ZC3H11A: variants seen among roughly 807,000 people sequenced by gnomAD.
ZC3H11A encodes the protein zinc finger CCCH-type containing 11A.
A neutral mutation model predicts 90.8 loss-of-function variants in ZC3H11A; 22 were observed. That is an observed-to-expected ratio of 0.24 (90% confidence interval 0.17 to 0.35). The LOEUF (loss-of-function observed/expected upper bound fraction) is 0.35, where lower values mean the gene tolerates loss of function less well. Ranked by LOEUF, ZC3H11A falls within the 10% of genes least tolerant of loss-of-function variation. The pLI, the probability that ZC3H11A is intolerant of heterozygous loss-of-function variation, is 1.00. For synonymous variants in ZC3H11A, 294 were observed against 339.8 expected, an observed-to-expected ratio of 0.87 and a Z score of 1.48; for missense variants, 701 against 964.9, an observed-to-expected ratio of 0.73 and a Z score of 3.62.
chr1:203,800,025 G>C, intron 1 of ZC3H11A: 1 of 1,536,106 alleles, frequency 6.5e-7, no homozygotes, highest in Non-Finnish European at 8.7e-7. Flanking sequence ...ATCTCTAAAA[G>C]AAGGCACCTC....
At chr1:203,816,053 C>A (rs11799648) in intron 2 of ZC3H11A, among the ~76,000 whole-genome samples, 81 of 152,208 alleles carry the variant, frequency 5.3e-4, no homozygotes, top group Middle Eastern at 3.4e-3. Flanking sequence ...TAAGCTAGAT[C>A]GATAGACCTT....
At position 203,853,235 on chromosome 1, in the gene ZC3H11A, G is replaced by A. The variant is rs1689627745; in HGVS notation, c.*836G>A. The A allele has an allele frequency of 6.6e-6, 1 of 152,468 alleles. No individual in the cohort carries two copies. The highest frequency in any genetic ancestry group is 2.1e-4 in the South Asian group (1 of 4,824). The allele number at this position is 152,468 out of a possible 1,614,324, so 9.4% of individuals were successfully genotyped here. On this transcript the variant is annotated 3_prime_UTR_variant, in exon 18 of 18. Transcript: ENST00000367210. ...TTGAATTAACACAGGGACAAAATTT[G>A]GTTAATTTTTTATTTCTAACTCTCC...
At chr1:203,833,289 C>T (rs368330837) in intron 9 of ZC3H11A, among the ~76,000 whole-genome samples, 68 of 148,504 alleles carry the variant, frequency 4.6e-4, no homozygotes, top group African/African-American at 1.5e-3. Context: ...CGCTTGAACC[C>T]GGGAGGTGGA....
intron 2 of ZC3H11A, among the ~76,000 whole-genome samples, chr1:203,809,089 C>G (rs1049674412): frequency 6.6e-6 from 1 of 151,816 alleles, no homozygotes; most frequent in Non-Finnish European, 1.5e-5. Context: ...CTCGGCCTCC[C>G]AAAGTGCTAG....
chr1:203,848,117 C>G (rs550919966), intron 13 of ZC3H11A, among the ~76,000 whole-genome samples: 1 of 152,146 alleles, frequency 6.6e-6, no homozygotes, highest in Non-Finnish European at 1.5e-5. Flanking sequence ...TTCAGTCTCC[C>G]AAAGTGCTGG....
rs774804527 is a variant in ZC3H11A at position 203,799,924 on chromosome 1, A to G, written c.-1587-1651A>G. 102 of 1,536,016 alleles carry G rather than the reference A, an allele frequency of 6.6e-5. No individual in the cohort carries two copies. Among genetic ancestry groups the G allele is most frequent in the Non-Finnish European group, 7.9e-5 (91 of 1,146,892 alleles). On this transcript the variant is annotated intron_variant, in intron 1 of 17. Coordinates refer to ENST00000367210, the MANE Select transcript of ZC3H11A (RefSeq NM_001376342.1). ...CAGTTCCTTGCAGAAGAGGTCTGTA[A>G]TTATATGGAATCTTCACCAGAGATC...
intron 2 of ZC3H11A, among the ~76,000 whole-genome samples, chr1:203,804,958 C>CT (rs1467185748): frequency 6.6e-6 from 1 of 151,924 alleles, no homozygotes; most frequent in Non-Finnish European, 1.5e-5. Flanking sequence ...CAGGCGTGAG[C>CT]TATTGTGCCC....
intron 15 of ZC3H11A, 199 bp from the exon 16 acceptor site, chr1:203,850,316 G>C (rs1341694986): frequency 1.4e-6 from 1 of 736,188 alleles, no homozygotes. Flanking sequence ...AATTTAAGTG[G>C]TATTGTATCT....
chr1:203,832,417 A>G (rs747169506), intron 9 of ZC3H11A, among the ~76,000 whole-genome samples: 3 of 151,454 alleles, frequency 2.0e-5, no homozygotes, highest in Admixed American at 1.3e-4. Flanking sequence ...CTAAAGTGCA[A>G]TGGTGCGATC....
intron 4 of ZC3H11A, among the ~76,000 whole-genome samples, chr1:203,824,756 G>C (rs556610663): frequency 6.6e-6 from 1 of 152,214 alleles, no homozygotes; most frequent in East Asian, 1.9e-4. Context: ...TTGCTGAGTA[G>C]AAGAAAGCTG....
At chr1:203,815,337 C>T (rs1434501888) in intron 2 of ZC3H11A, among the ~76,000 whole-genome samples, 1 of 147,330 alleles carries the variant, frequency 6.8e-6, no homozygotes, top group African/African-American at 2.5e-5. Flanking sequence ...GCCTCAGCTC[C>T]CCCGTGTAGC....
intron 2 of ZC3H11A, among the ~76,000 whole-genome samples, chr1:203,808,071 T>C (rs1443093088): frequency 6.6e-6 from 1 of 152,154 alleles, no homozygotes; most frequent in Non-Finnish European, 1.5e-5. Flanking sequence ...TTTTATTGAG[T>C]ACTTTTTTGT....
intron 1 of ZC3H11A, chr1:203,798,370 C>A (rs1669359521): frequency 2.0e-6 from 3 of 1,533,728 alleles, no homozygotes; most frequent in Non-Finnish European, 2.6e-6. Context: ...ATCTCAAGAG[C>A]TGTGTGTAAT....
At chr1:203,800,232 C>T in intron 1 of ZC3H11A, 1 of 1,351,878 alleles carries the variant, frequency 7.4e-7, no homozygotes, top group Non-Finnish European at 1.0e-6. Context: ...GGTTGCCATC[C>T]AGTATCTAAG....
At chr1:203,798,903 T>C (rs1437800816) in intron 1 of ZC3H11A, 2 of 1,536,158 alleles carry the variant, frequency 1.3e-6, no homozygotes, top group Non-Finnish European at 1.7e-6. Context: ...ACCTCAGTTA[T>C]ATGATTGTGT....
At chr1:203,798,934 C>T (rs747329173) in intron 1 of ZC3H11A, 1 of 1,536,078 alleles carries the variant, frequency 6.5e-7, no homozygotes, top group South Asian at 1.2e-5. Context: ...ATTTTCTTAA[C>T]TTTAGAGAAT....
At chr1:203,799,857 G>A in intron 1 of ZC3H11A, 1 of 1,533,542 alleles carries the variant, frequency 6.5e-7, no homozygotes, top group South Asian at 1.2e-5. Context: ...AAACAGTTTG[G>A]AAGACTTTTT....
In ZC3H11A at chr1:203,828,282, G is replaced by T. The variant is rs1446283954; in HGVS notation, c.175-17G>T. The T allele has an allele frequency of 6.2e-7, 1 of 1,613,684 alleles. No homozygotes were observed. The highest frequency in any genetic ancestry group is 1.3e-5 in the African/African-American group (1 of 74,906). On this transcript the variant is annotated splice_polypyrimidine_tract_variant and intron_variant, in intron 4 of 17. Coordinates refer to ENST00000367210, the MANE Select transcript of ZC3H11A (RefSeq NM_001376342.1). ...TCACTGTTTTATTTGAAAGCAATGT[G>T]TTTTTCCCTCTTACAGAAAAAACGC...
chr1:203,821,820 C>T (rs1363473487), intron 4 of ZC3H11A, among the ~76,000 whole-genome samples: 8 of 151,322 alleles, frequency 5.3e-5, no homozygotes, highest in African/African-American at 7.3e-5. Flanking sequence ...TGCAGTGGCG[C>T]GATCTCCGCT....
Sources: allele counts gnomAD v4.1 joint callset (sites outside exome capture counted in the v4.1 genomes callset), GRCh38; gene constraint gnomAD v4.1.1; transcripts MANE v1.5; gene names NCBI Gene and HGNC (gene_info 2026-07-23, HGNC 2026-07-21).